Variants in DCAF6 observed in about 807,000 individuals in gnomAD.
DCAF6 encodes the protein DDB1 and CUL4 associated factor 6, also known as DDB1- and CUL4-associated factor 6.
A neutral mutation model predicts 125.1 loss-of-function variants in DCAF6; 54 were observed. The observed-to-expected ratio is 0.43, with a 90% CI of 0.35 to 0.54. The LOEUF is 0.54. DCAF6 is among the 20% of genes least tolerant of loss of function. DCAF6 has a pLI of 0.01. For synonymous variants in DCAF6, 371 were observed against 390.4 expected (o/e 0.95, Z 0.58); for missense variants, 934 against 1,161.7 (o/e 0.80, Z 2.85).
At chr1:167,950,526 T>C (rs1321231254) in intron 1 of DCAF6, among the ~76,000 whole-genome samples, 1 of 152,190 alleles carries the variant, frequency 6.6e-6, no homozygotes, top group Non-Finnish European at 1.5e-5. Flanking sequence ...GTTCATCCTT[T>C]ACCTAGCCAT....
intron 16 of DCAF6, among the ~76,000 whole-genome samples, chr1:168,046,652 C>T (rs1689185198): frequency 6.6e-6 from 1 of 152,098 alleles, no homozygotes; most frequent in Non-Finnish European, 1.5e-5. Context: ...AGTTCTATTT[C>T]TTTCCATACC....
At chr1:167,916,717 G>C in the DCAF6 span, 1 of 152,128 alleles carries the variant, frequency 6.6e-6, no homozygotes, top group African/African-American at 2.4e-5. Flanking sequence ...AAAAGGAAGT[G>C]AAACACCAAG....
the DCAF6 span, chr1:167,905,294 G>A: frequency 1.1e-6 from 1 of 937,554 alleles, no homozygotes; most frequent in Non-Finnish European, 1.7e-6. Flanking sequence ...CCTGCGGCCT[G>A]CTTATAGTGG....
the DCAF6 span, chr1:167,870,195 G>T: frequency 6.4e-7 from 1 of 1,574,402 alleles, no homozygotes; most frequent in Admixed American, 1.7e-5. Flanking sequence ...GGAAGGAGAG[G>T]AGCATCAAAA....
At chr1:167,864,411 G>C in the DCAF6 span, among the ~76,000 whole-genome samples, 1 of 152,172 alleles carries the variant, frequency 6.6e-6, no homozygotes, top group African/African-American at 2.4e-5. Flanking sequence ...CCATCAGAAG[G>C]AAGCCTAGAC....
At chr1:167,960,424 G>C (rs374517332) in intron 2 of DCAF6, among the ~76,000 whole-genome samples, 30 of 151,960 alleles carry the variant, frequency 2.0e-4, no homozygotes, top group African/African-American at 7.3e-4. Context: ...TCAGACTCCC[G>C]AGTAGCTGGG....
chr1:168,062,912 TC>T (rs1691783356), intron 17 of DCAF6, among the ~76,000 whole-genome samples: 1 of 147,856 alleles, frequency 6.8e-6, no homozygotes, highest in Admixed American at 6.7e-5. Context: ...ATATTAATAT[TC>T]TTTTTTTTTT....
In DCAF6 at chr1:168,045,393, T is replaced by A. The variant is rs1689041837; in HGVS notation, c.2258+166T>A. On this transcript the variant is annotated intron_variant, in intron 16 of 21. Coordinates refer to ENST00000367840, the MANE Select transcript of DCAF6 (RefSeq NM_001198956.2). ...ACAGTTTACTGTAAATGATTTTACG[T>A]ATTATATTCTTTGAGCACTGTGCAT... Among the ~76,000 whole-genome samples the A allele has an allele frequency of 2.0e-5, 3 of 152,226 alleles. No individual in the cohort carries two copies. In the South Asian group the frequency reaches 6.2e-4, roughly 31 times the overall value.
the DCAF6 span, among the ~76,000 whole-genome samples, chr1:167,888,875 C>CAAAAAA: frequency 2.3e-4 from 22 of 93,910 alleles, no homozygotes; most frequent in East Asian, 3.2e-4. Context: ...GACTCCGTCT[C>CAAAAAA]AAAAAAAAAA....
the DCAF6 span, chr1:167,918,105 T>C: frequency 2.3e-6 from 1 of 436,978 alleles, no homozygotes; most frequent in African/African-American, 2.0e-5. Context: ...GGACAAATGG[T>C]AGAAAAATGT....
chr1:167,924,850 T>C, the DCAF6 span, among the ~76,000 whole-genome samples: 3 of 152,276 alleles, frequency 2.0e-5, no homozygotes, highest in African/African-American at 7.2e-5. Flanking sequence ...CATACTAGTT[T>C]TACACTCAAG....
chr1:167,954,694 C>T (rs576364123), intron 2 of DCAF6, among the ~76,000 whole-genome samples: 3 of 151,548 alleles, frequency 2.0e-5, no homozygotes, highest in Admixed American at 6.6e-5. Flanking sequence ...CCTCATGATC[C>T]GCCCGCCTCT....
intron 12 of DCAF6, 64 bp from the exon 13 acceptor site, chr1:168,038,307 T>C (rs1688095896): frequency 8.4e-6 from 10 of 1,196,364 alleles, no homozygotes; most frequent in Non-Finnish European, 1.2e-5. Context: ...TTATAAATTT[T>C]AGGAAATGTC....
At chr1:168,029,570 T>G (rs1465046934) in intron 12 of DCAF6, among the ~76,000 whole-genome samples, 2 of 152,220 alleles carry the variant, frequency 1.3e-5, no homozygotes, top group Non-Finnish European at 2.9e-5. Flanking sequence ...TACCAAACAT[T>G]GCTTGGAGCA....
At chr1:168,032,199 G>A (rs751022802) in intron 12 of DCAF6, among the ~76,000 whole-genome samples, 19 of 152,194 alleles carry the variant, frequency 1.2e-4, no homozygotes, top group Non-Finnish European at 2.4e-4. Flanking sequence ...ACTTTGTTTC[G>A]TTTTGGCTTG....
the DCAF6 span, among the ~76,000 whole-genome samples, chr1:167,895,616 A>G: frequency 6.6e-6 from 1 of 152,162 alleles, no homozygotes; most frequent in Non-Finnish European, 1.5e-5. Context: ...TAGGTAGGGT[A>G]TTTTGTTTGT....
intron 2 of DCAF6, among the ~76,000 whole-genome samples, chr1:167,960,445 C>A (rs909310003): frequency 6.6e-6 from 1 of 152,020 alleles, no homozygotes; most frequent in Non-Finnish European, 1.5e-5. Context: ...ATTACAGGCA[C>A]GCGCCACCAT....
At chr1:167,901,996 A>G in the DCAF6 span, 3 of 1,613,518 alleles carry the variant, frequency 1.9e-6, no homozygotes, top group South Asian at 2.2e-5. Context: ...TACCCCTTCT[A>G]TCTTAGTAAG....
chr1:167,890,910 A>C, the DCAF6 span, among the ~76,000 whole-genome samples: 1 of 152,156 alleles, frequency 6.6e-6, no homozygotes, highest in African/African-American at 2.4e-5. Context: ...GGACACAATA[A>C]ACTAGAATCC....
Sources: gnomAD v4.1 joint callset for allele counts (sites outside exome capture counted in the v4.1 genomes callset) on GRCh38, gnomAD v4.1.1 for gene constraint, MANE v1.5 for transcripts, NCBI Gene and HGNC (gene_info 2026-07-23, HGNC 2026-07-21) for gene names.